Variants in CSMD1 observed in about 807,000 individuals in gnomAD.
The protein encoded by CSMD1 is CUB and sushi domain-containing protein 1.
In CSMD1, 213 loss-of-function variants were observed where a neutral mutation model predicts 417.5. The ratio of observed to expected loss-of-function variants is 0.51; its 90% CI spans 0.46 to 0.57. CSMD1 has a LOEUF of 0.57. Ranked by LOEUF, CSMD1 falls within the 20% of genes least tolerant of loss-of-function variation. The probability of loss-of-function intolerance (pLI) is 0.00; values close to 1 mark genes in which losing one functional copy is unlikely to be tolerated. For missense variants in CSMD1, 6,923 were observed against 4,529.7 expected (o/e 1.53, Z -15.17); for synonymous variants, 2,862 against 1,736.8 (o/e 1.65, Z -16.11).
At position 4,769,252 on chromosome 8, in the gene CSMD1, G is replaced by C. The variant is rs534262232; in HGVS notation, c.86-131694C>G. ...GAGATGCATATAAAACACTGGAAAA[G>C]GCAGCCAGAACAAATTGAGTGCCTG... On this transcript the variant is annotated intron_variant, in intron 1 of 69. Transcript: ENST00000635120. Among the ~76,000 whole-genome samples the C allele has an allele frequency of 3.3e-5, 5 of 152,210 alleles. No homozygotes were observed. The South Asian group carries it at 8.3e-4, about 25-fold the overall frequency.
chr8:4,199,785 T>C (rs1162546334), intron 3 of CSMD1, among the ~76,000 whole-genome samples: 1 of 152,146 alleles, frequency 6.6e-6, no homozygotes, highest in East Asian at 1.9e-4. Flanking sequence ...TAACATGCTG[T>C]TTAGATAGAA....
At chr8:4,429,214 A>T (rs1161840954) in intron 2 of CSMD1, among the ~76,000 whole-genome samples, 3 of 151,774 alleles carry the variant, frequency 2.0e-5, no homozygotes, top group Non-Finnish European at 4.4e-5. Flanking sequence ...CCTGCCTTAC[A>T]CGAATATCTG....
chr8:4,826,188 T>C (rs1799814997), intron 1 of CSMD1, among the ~76,000 whole-genome samples: 1 of 152,106 alleles, frequency 6.6e-6, no homozygotes, highest in Admixed American at 6.6e-5. Flanking sequence ...AGTACCCCAG[T>C]GTTCATTGTT....
intron 4 of CSMD1, among the ~76,000 whole-genome samples, chr8:4,016,302 A>G (rs1796519377): frequency 6.6e-6 from 1 of 152,120 alleles, no homozygotes; most frequent in African/African-American, 2.4e-5. Flanking sequence ...GGAAATAGAA[A>G]ATAAATGGGG....
intron 1 of CSMD1, among the ~76,000 whole-genome samples, chr8:4,858,934 C>G (rs1367493413): frequency 1.3e-5 from 2 of 150,852 alleles, no homozygotes; most frequent in Admixed American, 6.6e-5. Flanking sequence ...TCATATGGAA[C>G]CAAAAAAGAG....
At chr8:3,644,729 G>T (rs980901418) in intron 7 of CSMD1, among the ~76,000 whole-genome samples, 3 of 152,034 alleles carry the variant, frequency 2.0e-5, no homozygotes, top group Non-Finnish European at 4.4e-5. Context: ...GGGCCTGTCA[G>T]GGGGGTGCAG....
rs557280791 is a variant in CSMD1, at chr8:3,429,500, G to A, written c.1562-19895C>T. On this transcript the variant is annotated intron_variant, in intron 12 of 69. Coordinates refer to ENST00000635120, the MANE Select transcript of CSMD1 (RefSeq NM_033225.6). ...CTGACCTTCATTCTTAAACGCCCCT[G>A]CAGGGAAAAAGGCATGAAGACACTT... Among the ~76,000 whole-genome samples the A allele has an allele frequency of 2.2e-4, 34 of 152,200 alleles. 1 individual carries two copies. In the South Asian group the frequency reaches 4.8e-3, roughly 21 times the overall value.
At chr8:3,182,776 GAGAAGTGGTTTCACCGTGT>G in intron 36 of CSMD1, among the ~76,000 whole-genome samples, 1 of 124,404 alleles carries the variant, frequency 8.0e-6, no homozygotes, top group Non-Finnish European at 1.7e-5. Context: ...TGTATTGTTA[GAGAAGTGGTTTCACCGTGT>G]TAGCCAGGAT....
chr8:4,021,173 G>C (rs543962586), intron 4 of CSMD1, among the ~76,000 whole-genome samples: 13 of 152,196 alleles, frequency 8.5e-5, no homozygotes, highest in Admixed American at 4.6e-4. Context: ...AATGTGGCTA[G>C]TCAGCATTGC....
At chr8:3,968,594 A>AAT (rs1812853675) in intron 5 of CSMD1, among the ~76,000 whole-genome samples, 1 of 152,210 alleles carries the variant, frequency 6.6e-6, no homozygotes, top group Non-Finnish European at 1.5e-5. Flanking sequence ...TTTCAGATGG[A>AAT]ATATTCGCTA....
At chr8:4,289,946 C>T (rs1166231569) in intron 3 of CSMD1, among the ~76,000 whole-genome samples, 1 of 152,194 alleles carries the variant, frequency 6.6e-6, no homozygotes. Flanking sequence ...TTATTGACCT[C>T]TTCTTGAGAG....
At chr8:4,691,199 C>T (rs1216458182) in intron 1 of CSMD1, among the ~76,000 whole-genome samples, 1 of 152,158 alleles carries the variant, frequency 6.6e-6, no homozygotes, top group Non-Finnish European at 1.5e-5. Flanking sequence ...TGCAAATCAG[C>T]AGCAAACTCC....
chr8:4,055,007 T>A (rs1312849570), intron 3 of CSMD1, among the ~76,000 whole-genome samples: 1 of 152,190 alleles, frequency 6.6e-6, no homozygotes. Flanking sequence ...CATATAAATG[T>A]GTGTGAAGAA....
At chr8:3,526,701 A>C (rs1221076094) in intron 10 of CSMD1, among the ~76,000 whole-genome samples, 5 of 152,206 alleles carry the variant, frequency 3.3e-5, no homozygotes, top group African/African-American at 1.2e-4. Flanking sequence ...TTCAAAGCCA[A>C]AATTGTCACT....
At chr8:4,863,268 C>G (rs1347885272) in intron 1 of CSMD1, among the ~76,000 whole-genome samples, 1 of 151,922 alleles carries the variant, frequency 6.6e-6, no homozygotes, top group Non-Finnish European at 1.5e-5. Flanking sequence ...AATACATATA[C>G]AAATTTTTAG....
At chr8:3,226,984 CAA>C (rs1000770237) in intron 27 of CSMD1, among the ~76,000 whole-genome samples, 2 of 151,666 alleles carry the variant, frequency 1.3e-5, no homozygotes, top group African/African-American at 4.8e-5. Context: ...CCAATTAAAA[CAA>C]GACATCATCA....
chr8:4,844,746 T>A (rs1801033176), intron 1 of CSMD1, among the ~76,000 whole-genome samples: 2 of 152,198 alleles, frequency 1.3e-5, no homozygotes, highest in African/African-American at 4.8e-5. Context: ...TTCAAAACCA[T>A]CTCAGTGATA....
intron 68 of CSMD1, among the ~76,000 whole-genome samples, chr8:2,949,025 A>G (rs1228102506): frequency 1.3e-5 from 2 of 150,708 alleles, no homozygotes; most frequent in Admixed American, 1.3e-4. Flanking sequence ...CTTTGCTTAT[A>G]CTTTGATTTT....
intron 1 of CSMD1, among the ~76,000 whole-genome samples, chr8:4,820,454 G>A (rs759547299): frequency 6.6e-6 from 1 of 152,078 alleles, no homozygotes; most frequent in Admixed American, 6.6e-5. Context: ...TTCTGCACTG[G>A]TTTTCCTGTC....
Sources: allele counts gnomAD v4.1 joint callset (sites outside exome capture counted in the v4.1 genomes callset), GRCh38; gene constraint gnomAD v4.1.1; transcripts MANE v1.5; gene names NCBI Gene and HGNC (gene_info 2026-07-23, HGNC 2026-07-21).